The following NDE1 variants were observed in gnomAD, a reference collection of about 807,000 sequenced individuals.
NDE1 encodes the protein nudE neurodevelopment protein 1.
In NDE1, 28 loss-of-function variants were observed where a neutral mutation model predicts 43.4. That is an observed-to-expected ratio of 0.65 (90% CI 0.48 to 0.89). NDE1 has a LOEUF of 0.89. NDE1 is among the 40% of genes least tolerant of loss of function. The pLI is 0.00. For synonymous variants in NDE1, 184 were observed against 172.0 expected, an observed-to-expected ratio of 1.07 and a Z score of -0.55; for missense variants, 441 against 434.1, an observed-to-expected ratio of 1.02 and a Z score of -0.14.
At chr16:15,669,601 C>T (rs931496041) in intron 3 of NDE1, among the ~76,000 whole-genome samples, 2 of 151,854 alleles carry the variant, frequency 1.3e-5, no homozygotes, top group African/African-American at 4.8e-5. Flanking sequence ...ACAGTGTGAT[C>T]TACCCGCCTT....
intron 8 of NDE1, chr16:15,718,185 C>T: frequency 3.4e-6 from 5 of 1,465,648 alleles, no homozygotes; most frequent in Non-Finnish European, 4.7e-6. Context: ...ACTCTCAGGC[C>T]CCACCACCCT....
In NDE1 at chr16:15,691,269, A is replaced by G. The variant is rs753701031; in HGVS notation, c.649A>G (p.Ile217Val). The G allele has an allele frequency of 2.5e-6, 4 of 1,613,944 alleles. No individual in the cohort carries two copies. The highest frequency in any genetic ancestry group is 3.4e-6 in the Non-Finnish European group (4 of 1,179,982). ...QATGSVPSTP[I>V]AHRGPSSSLN... is the part of the protein sequence containing the mutation. Reference sequence around the variant, plus strand: ...CACGGGCTCCGTGCCGTCCACGCCCATTGCTCACCGAGGACCCAGCTCAAG... The same window carrying G: ...CACGGGCTCCGTGCCGTCCACGCCCGTTGCTCACCGAGGACCCAGCTCAAG... Residue 217 changes from isoleucine to valine, a missense_variant, in exon 6 of 9, where the codon ATT (isoleucine) becomes GTT (valine). Physicochemically the swap from Ile to Val is conservative, Grantham distance 29 (BLOSUM62 3). Transcript: ENST00000396354.
intron 3 of NDE1, among the ~76,000 whole-genome samples, chr16:15,675,429 T>G (rs1415603891): frequency 2.6e-5 from 4 of 151,712 alleles, no homozygotes; most frequent in Non-Finnish European, 4.4e-5. Context: ...TTTGGGTTTT[T>G]TTTTTTTTTT....
intron 7 of NDE1, chr16:15,695,006 C>T (rs1434537157): frequency 1.3e-6 from 1 of 740,906 alleles, no homozygotes. Context: ...CCCCCTGCCC[C>T]GACTTGGCCT....
In NDE1 at chr16:15,669,781, C is replaced by T. The variant is rs186711226; in HGVS notation, c.237+2342C>T. Among the ~76,000 whole-genome samples the T allele has an allele frequency of 4.9e-3, 744 of 152,320 alleles. 5 individuals are homozygous for T. The highest frequency in any genetic ancestry group is 0.017 in the African/African-American group (709 of 41,566). On this transcript the variant is annotated intron_variant, in intron 3 of 8. Coordinates refer to ENST00000396354, the MANE Select transcript of NDE1 (RefSeq NM_017668.3). ...AAGTGCTGGGATTACAAGCATGAGT[C>T]ACCCCGCCTGACCACACTGTGGGAT...
Position 15,688,689 on chromosome 16 carries a change from C to CTTTTTTTTTTTTTTT in NDE1, c.523+1191_523+1205dup, listed in dbSNP as rs1194565114. 2.3e-3 allele frequency among the ~76,000 whole-genome samples: 137 copies of CTTTTTTTTTTTTTTT among 59,996 alleles called. 21 individuals are homozygous for CTTTTTTTTTTTTTTT. The highest frequency in any genetic ancestry group is 3.1e-3 in the Non-Finnish European group (105 of 33,862). 39.4% of individuals were successfully genotyped at this position (59,996 alleles called of 152,430 possible). A position where few individuals can be genotyped will look rare whatever the true frequency, so the allele number is the denominator to read the frequency against. On this transcript the variant is annotated intron_variant, in intron 5 of 8. Coordinates refer to ENST00000396354, the MANE Select transcript of NDE1 (RefSeq NM_017668.3). ...AGTGGATTGTCCAAGTTGTTTTTACCTTTTTTTTTTTTTTTTTTTTTTTTT... is the reference window on the plus strand; with the variant it reads ...AGTGGATTGTCCAAGTTGTTTTTACCTTTTTTTTTTTTTTTTTTTTTTTTTTTTTTTTTTTTTTTT...
rs116682419 is a variant in NDE1 at position 15,710,834 on chromosome 16, C to T, written c.948-13357C>T. On this transcript the variant is annotated intron_variant, in intron 8 of 8. Coordinates refer to ENST00000396354, the MANE Select transcript of NDE1 (RefSeq NM_017668.3). ...CTGGGATTACAGGCATCTGCCACCA[C>T]GCCTAGCTGATTTTTGTGTTTTTAG... is the stretch of plus-strand genomic sequence containing the variant. Among the ~76,000 whole-genome samples, 658 of 152,196 alleles carry T rather than the reference C, an allele frequency of 4.3e-3. 1 individual carries two copies. The highest frequency in any genetic ancestry group is 0.013 in the African/African-American group (550 of 41,524).
chr16:15,683,015 A>ATT (rs771128840), intron 4 of NDE1, among the ~76,000 whole-genome samples: 42 of 143,850 alleles, frequency 2.9e-4, no homozygotes, highest in African/African-American at 9.4e-4. Context: ...CAACTTACAC[A>ATT]TTTTTTTTTT....
In NDE1 at chr16:15,696,725, T is replaced by C. The variant is rs1433168691; in HGVS notation, c.812T>C (p.Leu271Pro). Residue 271 changes from leucine to proline, a missense_variant, in exon 8 of 9, where the codon CTC becomes CCC. Leu to Pro is a moderately conservative substitution (Grantham distance 98, BLOSUM62 -3). Transcript: ENST00000396354. The part of the protein sequence containing the change: ...LRKVGALESK[L>P]ASCRNLVYDQ... ...TCTGTCCAGGCACTGGAGTCCAAAC[T>C]CGCTTCCTGCCGGAACCTCGTGTAC... The C allele has an allele frequency of 1.1e-5, 18 of 1,614,086 alleles. No homozygotes were observed. The highest frequency in any genetic ancestry group is 2.7e-5 in the African/African-American group (2 of 74,942).
chr16:15,715,380 G>A (rs1004036793), intron 8 of NDE1: 2 of 961,824 alleles, frequency 2.1e-6, no homozygotes, highest in African/African-American at 1.6e-5. Context: ...CCCCGTATCT[G>A]GACTCCTCTC....
intron 3 of NDE1, among the ~76,000 whole-genome samples, chr16:15,673,619 A>T (rs2037713458): frequency 6.6e-6 from 1 of 150,552 alleles, no homozygotes; most frequent in African/African-American, 2.5e-5. Flanking sequence ...TGGAGCCTCA[A>T]CCTCCTGGCC....
intron 6 of NDE1, among the ~76,000 whole-genome samples, chr16:15,693,349 T>G (rs188750440): frequency 6.6e-6 from 1 of 152,150 alleles, no homozygotes. Flanking sequence ...TGCTGGTGCA[T>G]GGACCCCACT....
chr16:15,692,370 G>T (rs1351303623), intron 6 of NDE1, among the ~76,000 whole-genome samples: 1 of 152,218 alleles, frequency 6.6e-6, no homozygotes, highest in African/African-American at 2.4e-5. Context: ...CCCTGGGCAT[G>T]AAGAGACCAG....
In NDE1 at chr16:15,720,285, C is replaced by A. The variant is rs771990666; in HGVS notation, c.948-3906C>A. 3 of 1,613,974 alleles carry A rather than the reference C, an allele frequency of 1.9e-6. No individual in the cohort carries two copies. The highest frequency in any genetic ancestry group is 2.5e-6 in the Non-Finnish European group (3 of 1,180,010). On this transcript the variant is annotated intron_variant, in intron 8 of 8. Coordinates refer to ENST00000396354, the MANE Select transcript of NDE1 (RefSeq NM_017668.3). ...GCCAGGGCACGTTGCTTTCGCTCGT[C>A]TTCCAGTTCCGTCTCATACTCGTGA... is the stretch of plus-strand genomic sequence containing the variant.
chr16:15,701,582 C>G, intron 8 of NDE1: 1 of 152,190 alleles, frequency 6.6e-6, no homozygotes, highest in East Asian at 1.9e-4. Context: ...GCTTCCTTGT[C>G]AAAGACGTGA....
chr16:15,694,664 G>C (rs2038925471), intron 7 of NDE1: 1 of 985,172 alleles, frequency 1.0e-6, no homozygotes, highest in Admixed American at 6.2e-5. Context: ...ATAGCAGTGT[G>C]GTGAGTTTTA....
upstream of NDE1, among the ~76,000 whole-genome samples, chr16:15,646,449 T>C (rs1212469580): frequency 1.3e-5 from 2 of 151,936 alleles, no homozygotes; most frequent in African/African-American, 4.8e-5. Flanking sequence ...GACGTGGTGG[T>C]GCACACCTGA....
At chr16:15,678,961 A>G (rs2038031515) in intron 4 of NDE1, among the ~76,000 whole-genome samples, 1 of 152,018 alleles carries the variant, frequency 6.6e-6, no homozygotes, top group South Asian at 2.1e-4. Context: ...CTGTAGTCCC[A>G]GCTAGTCGGG....
chr16:15,714,931 T>G (rs1347699926), intron 8 of NDE1: 1 of 1,613,918 alleles, frequency 6.2e-7, no homozygotes, highest in Non-Finnish European at 8.5e-7. Flanking sequence ...TTGAGTGCGT[T>G]CACCTCGCGG....
Sources: allele counts gnomAD v4.1 joint callset (sites outside exome capture counted in the v4.1 genomes callset), GRCh38; gene constraint gnomAD v4.1.1; transcripts MANE v1.5; gene names NCBI Gene and HGNC (gene_info 2026-07-23, HGNC 2026-07-21).